Variants in USP13 observed in about 807,000 individuals in gnomAD.
USP13 encodes ubiquitin carboxyl-terminal hydrolase 13.
USP13 carries 68 observed loss-of-function variants against 107.8 expected under a neutral mutation model. That is an observed-to-expected ratio of 0.63 (90% CI 0.52 to 0.77). The LOEUF (loss-of-function observed/expected upper bound fraction) is 0.77. USP13 is among the 30% of genes least tolerant of loss of function. The pLI is 0.00. For missense variants in USP13, 945 were observed against 1,093.3 expected (o/e 0.86, Z 1.91); for synonymous variants, 377 against 389.5 (o/e 0.97, Z 0.38).
chr3:179,687,755 T>C lies in USP13; in HGVS notation c.295-2486T>C, dbSNP rs547535098. Among the ~76,000 whole-genome samples the C allele has an allele frequency of 6.6e-4, 100 of 150,570 alleles. 2 individuals carry two copies. The highest frequency in any genetic ancestry group is 2.4e-3 in the African/African-American group (97 of 41,042). ...TTGCTGCCTTCAATCCCACCCAGTC[T>C]GCACACTGCTCCCAGAGCCATCTTT... On this transcript the variant is annotated intron_variant, in intron 2 of 20. Transcript: ENST00000263966.
At position 179,680,136 on chromosome 3, in the gene USP13, A is replaced by G. The variant is rs186662541; in HGVS notation, c.169-1742A>G. 8.7e-4 allele frequency among the ~76,000 whole-genome samples: 133 copies of G among 152,002 alleles called. 1 individual carries two copies. In the East Asian group the frequency reaches 0.02, roughly 23 times the overall value. On this transcript the variant is annotated intron_variant, in intron 1 of 20. Coordinates refer to ENST00000263966, the MANE Select transcript of USP13 (RefSeq NM_003940.3). The stretch of plus-strand genomic sequence containing the variant: ...TGCAGTGAGCCGGGATCCTGCCATT[A>G]CACTCCAGCCTGGGGAACAGAGTGA...
In USP13 at chr3:179,690,253, G is replaced by T. The variant is rs751850507; in HGVS notation, c.307G>T (p.Ala103Ser). ...KRHVREKVRG[A>S]SGGALPKRRN... is the part of the protein sequence containing the mutation. The stretch of plus-strand genomic sequence containing the variant: ...GTTTTCTTTTCAGAAGGTAAGAGGG[G>T]CGTCTGGTGGAGCGTTACCAAAAAG... The change falls in exon 3 of 21, where the codon GCG (alanine) becomes TCG (serine). Residue 103 changes from alanine to serine, a missense_variant. By Grantham distance (99) the Ala-to-Ser change is moderately conservative. Transcript: ENST00000263966. 16 of 1,613,720 alleles carry T rather than the reference G, an allele frequency of 9.9e-6. No individual in the cohort carries two copies. Among genetic ancestry groups the T allele is most frequent in the Non-Finnish European group, 1.4e-5 (16 of 1,179,890 alleles).
intron 1 of USP13, among the ~76,000 whole-genome samples, chr3:179,667,095 A>G (rs1720609240): frequency 6.6e-6 from 1 of 152,262 alleles, no homozygotes; most frequent in South Asian, 2.1e-4. Flanking sequence ...AAGCTAGTGG[A>G]TCTGTAGCAG....
At chr3:179,693,976 G>T (rs1712199090) in intron 3 of USP13, among the ~76,000 whole-genome samples, 1 of 151,760 alleles carries the variant, frequency 6.6e-6, no homozygotes, top group African/African-American at 2.4e-5. Context: ...ACCACACCTG[G>T]CCTATTTATT....
intron 19 of USP13, among the ~76,000 whole-genome samples, chr3:179,775,692 G>A (rs972114501): frequency 2.0e-5 from 3 of 152,206 alleles, no homozygotes; most frequent in Admixed American, 6.5e-5. Flanking sequence ...GCGAGAATTC[G>A]AGTGCAGTGC....
rs543234239 is a variant in USP13, at chr3:179,761,563, G to A, written c.2092+308G>A. 1.3e-3 allele frequency among the ~76,000 whole-genome samples: 198 copies of A among 152,016 alleles called. 2 individuals are homozygous for A. Among genetic ancestry groups the A allele is most frequent in the African/African-American group, 4.6e-3 (191 of 41,496 alleles). On this transcript the variant is annotated intron_variant, in intron 17 of 20. Coordinates refer to ENST00000263966, the MANE Select transcript of USP13 (RefSeq NM_003940.3). ...ATAGTGAAACCCCATCTCTACTAAA[G>A]ATACAAAAATTAGCTGGGCATGGTG...
At chr3:179,712,251 ACT>A (rs1278013132) in intron 6 of USP13, among the ~76,000 whole-genome samples, 1 of 152,054 alleles carries the variant, frequency 6.6e-6, no homozygotes, top group Non-Finnish European at 1.5e-5. Flanking sequence ...AAATAGAGTA[ACT>A]CTAGTTTCTT....
chr3:179,659,111 T>C (rs1275268644), intron 1 of USP13, among the ~76,000 whole-genome samples: 1 of 152,202 alleles, frequency 6.6e-6, no homozygotes, highest in Non-Finnish European at 1.5e-5. Context: ...CTCGGTGATA[T>C]TGAGATGTCA....
chr3:179,681,897 A>C lies in USP13; in HGVS notation c.188A>C (p.Tyr63Ser). 1 of 1,613,770 alleles carries C rather than the reference A, an allele frequency of 6.2e-7. No individual in the cohort carries two copies. Among genetic ancestry groups the C allele is most frequent in the Non-Finnish European group, 8.5e-7 (1 of 1,179,854 alleles). Residue 63 changes from tyrosine to serine, a missense_variant, in exon 2 of 21, where the codon TAT becomes TCT. Transcript: ENST00000263966. Reference sequence around the variant, plus strand: ...TTCTAGAATTCTGAAGGTGGACTCTATGTATGCATGAATACATTTTTGGCC... The same window carrying C: ...TTCTAGAATTCTGAAGGTGGACTCTCTGTATGCATGAATACATTTTTGGCC... Reference protein sequence around the residue: ...YDSPNSEGGLYVCMNTFLAFG... With the variant: ...YDSPNSEGGLSVCMNTFLAFG...
At chr3:179,740,454 C>T (rs191631742) in intron 11 of USP13, 82 bp downstream of exon 11, 4 of 1,569,662 alleles carry the variant, frequency 2.5e-6, no homozygotes, top group Non-Finnish European at 3.5e-6. Context: ...GTGGCTTGAT[C>T]AGAATGCCTC....
Position 179,677,232 on chromosome 3 carries a change from A to G in USP13, c.169-4646A>G, listed in dbSNP as rs868231516. Among the ~76,000 whole-genome samples, 16 of 151,780 alleles carry G rather than the reference A, an allele frequency of 1.1e-4. No homozygotes were observed. The South Asian group carries it at 3.3e-3, about 32-fold the overall frequency. On this transcript the variant is annotated intron_variant, in intron 1 of 20. Transcript: ENST00000263966. ...GAGTGTCAAATAATTTTTCTCTTTG[A>G]TTATGGACTTCGTGACATTATCAAG...
intron 5 of USP13, among the ~76,000 whole-genome samples, chr3:179,708,503 C>T (rs139684158): frequency 0.013 from 1,984 of 151,998 alleles, 44 homozygotes; most frequent in African/African-American, 0.045. Flanking sequence ...TTAATAGAGA[C>T]GGGGGTTTCG....
intron 13 of USP13, among the ~76,000 whole-genome samples, chr3:179,749,013 C>T (rs948805681): frequency 2.6e-5 from 4 of 152,036 alleles, no homozygotes; most frequent in Non-Finnish European, 4.4e-5. Flanking sequence ...TGTTTATCTT[C>T]GTTTTTTTGT....
chr3:179,783,640 C>T (rs1201130832), intron 20 of USP13, among the ~76,000 whole-genome samples: 1 of 152,096 alleles, frequency 6.6e-6, no homozygotes, highest in African/African-American at 2.4e-5. Context: ...GTTATGGGAT[C>T]AAAGGTTAAA....
At chr3:179,776,870 T>TTG (rs1715559856) in intron 19 of USP13, among the ~76,000 whole-genome samples, 1 of 148,032 alleles carries the variant, frequency 6.8e-6, no homozygotes, top group African/African-American at 2.5e-5. Flanking sequence ...TTTTTTTTTT[T>TTG]TTTTTTTTTT....
intron 1 of USP13, among the ~76,000 whole-genome samples, chr3:179,666,856 G>C (rs1372565191): frequency 2.0e-5 from 3 of 152,218 alleles, no homozygotes; most frequent in African/African-American, 7.2e-5. Flanking sequence ...AGTAGCACCA[G>C]GCAGCCCGCA....
intron 3 of USP13, among the ~76,000 whole-genome samples, chr3:179,699,752 TTTATTTA>T (rs1712450594): frequency 1.4e-5 from 1 of 71,914 alleles, no homozygotes; most frequent in Non-Finnish European, 2.5e-5. Flanking sequence ...ATTTATTTTA[TTTATTTA>T]TTTATTTATT....
intron 18 of USP13, among the ~76,000 whole-genome samples, chr3:179,764,734 A>G (rs559798250): frequency 2.0e-5 from 3 of 152,284 alleles, no homozygotes; most frequent in African/African-American, 7.2e-5. Flanking sequence ...TGCAGTGCTG[A>G]TATCTGTTTA....
rs1397011028 is a variant in USP13, at chr3:179,761,098, G to C, written c.1949-14G>C. On this transcript the variant is annotated splice_polypyrimidine_tract_variant and intron_variant, in intron 16 of 20. Transcript: ENST00000263966. ...TTCCTCTTTCACACTAGAATATCCTGTTGTGCTCTGTAGCATCAGACATCG... is the reference window on the plus strand; with the variant it reads ...TTCCTCTTTCACACTAGAATATCCTCTTGTGCTCTGTAGCATCAGACATCG... 14 of 1,614,004 alleles carry C rather than the reference G, an allele frequency of 8.7e-6. No individual in the cohort carries two copies. The highest frequency in any genetic ancestry group is 1.2e-5 in the Non-Finnish European group (14 of 1,180,008).
Sources: gnomAD v4.1 joint callset for allele counts (sites outside exome capture counted in the v4.1 genomes callset) on GRCh38, gnomAD v4.1.1 for gene constraint, MANE v1.5 for transcripts, NCBI Gene and HGNC (gene_info 2026-07-23, HGNC 2026-07-21) for gene names.